Variants in CPNE4 observed in about 807,000 individuals in gnomAD.
The protein encoded by CPNE4 is copine-4.
Under a neutral mutation model 67.9 loss-of-function variants are expected in CPNE4, and 25 were observed. That is an observed-to-expected ratio of 0.37 (90% CI 0.27 to 0.51). CPNE4 has a LOEUF of 0.51. CPNE4 is among the 20% of genes least tolerant of loss of function. The pLI, the probability that CPNE4 is intolerant of heterozygous loss-of-function variation, is 0.93. For missense variants in CPNE4, 464 were observed against 690.8 expected, an observed-to-expected ratio of 0.67 and a Z score of 3.68; for synonymous variants, 242 against 244.9, an observed-to-expected ratio of 0.99 and a Z score of 0.11.
At chr3:131,843,181 A>G (rs573484661) in intron 2 of CPNE4, among the ~76,000 whole-genome samples, 1 of 152,306 alleles carries the variant, frequency 6.6e-6, no homozygotes, top group South Asian at 2.1e-4. Flanking sequence ...TATTACTCCT[A>G]TCTCTATACA....
At chr3:131,788,750 T>A (rs766554349) in intron 2 of CPNE4, among the ~76,000 whole-genome samples, 10 of 152,048 alleles carry the variant, frequency 6.6e-5, no homozygotes, top group Non-Finnish European at 1.3e-4. Flanking sequence ...AATCACACAG[T>A]TGAAGGATTT....
intron 3 of CPNE4, among the ~76,000 whole-genome samples, chr3:131,709,629 C>G (rs2081509696): frequency 6.6e-6 from 1 of 152,222 alleles, no homozygotes; most frequent in African/African-American, 2.4e-5. Context: ...CCAGAAGGCT[C>G]AGTTTAACTC....
intron 7 of CPNE4, among the ~76,000 whole-genome samples, chr3:131,652,197 A>C (rs1344351437): frequency 6.6e-6 from 1 of 152,242 alleles, no homozygotes; most frequent in Non-Finnish European, 1.5e-5. Flanking sequence ...ACAACAGAGC[A>C]AGGTAGTATA....
intron 2 of CPNE4, among the ~76,000 whole-genome samples, chr3:131,853,938 G>A (rs1693115290): frequency 1.3e-5 from 2 of 151,844 alleles, no homozygotes; most frequent in African/African-American, 4.8e-5. Flanking sequence ...CACTTTTGCA[G>A]GGAGTGTCAA....
chr3:131,535,413 G>A, intron 15 of CPNE4, 84 bp from the exon 16 acceptor site: 1 of 1,383,054 alleles, frequency 7.2e-7, no homozygotes, highest in Non-Finnish European at 9.7e-7. Context: ...CCTGCTCTGG[G>A]CAGCTAAGTT....
chr3:131,619,734 A>G (rs1940359894), intron 7 of CPNE4, among the ~76,000 whole-genome samples: 2 of 152,056 alleles, frequency 1.3e-5, no homozygotes, highest in African/African-American at 4.8e-5. Context: ...TAGATTCCAA[A>G]GCCCTTGCCA....
At chr3:131,684,546 A>G (rs1008590138) in intron 6 of CPNE4, among the ~76,000 whole-genome samples, 3 of 152,220 alleles carry the variant, frequency 2.0e-5, no homozygotes, top group African/African-American at 7.2e-5. Flanking sequence ...ATTTTTGTCT[A>G]TCATAACAAT....
chr3:131,658,857 G>A (rs898529838), intron 7 of CPNE4, among the ~76,000 whole-genome samples: 3 of 152,172 alleles, frequency 2.0e-5, no homozygotes, highest in East Asian at 1.9e-4. Context: ...AAAAGCCCAG[G>A]ATGGCTGCGG....
intron 2 of CPNE4, among the ~76,000 whole-genome samples, chr3:131,803,625 C>T (rs144821858): frequency 6.6e-6 from 1 of 152,312 alleles, no homozygotes; most frequent in East Asian, 1.9e-4. Flanking sequence ...TACTTTGTGC[C>T]AGGCACTGTT....
intron 2 of CPNE4, among the ~76,000 whole-genome samples, chr3:131,898,226 C>A (rs978254018): frequency 6.6e-6 from 1 of 152,054 alleles, no homozygotes; most frequent in African/African-American, 2.4e-5. Context: ...AATCTAGAGG[C>A]AGAAGACTCC....
At chr3:131,962,733 T>TAAA (rs35814855) in intron 1 of CPNE4, among the ~76,000 whole-genome samples, 8 of 150,066 alleles carry the variant, frequency 5.3e-5, no homozygotes, top group Admixed American at 1.3e-4. Context: ...CAGAAACAGT[T>TAAA]AAAAAAAAAA....
At chr3:131,825,637 TG>T (rs1266601971) in intron 2 of CPNE4, among the ~76,000 whole-genome samples, 4 of 152,246 alleles carry the variant, frequency 2.6e-5, no homozygotes, top group Admixed American at 2.6e-4. Flanking sequence ...CATTTCAAAC[TG>T]AAAAAGATTT....
In CPNE4 at chr3:131,593,669, C is replaced by T. The variant is rs184077099; in HGVS notation, c.682-6087G>A. ...TTGTTTGCCTTTTATTTTATCTTCC[C>T]TAATTGCTCTGGCTAGAATTTCCAG... On this transcript the variant is annotated intron_variant, in intron 7 of 15. Coordinates refer to ENST00000429747, the MANE Select transcript of CPNE4 (RefSeq NM_130808.3). Among the ~76,000 whole-genome samples, 165 of 152,126 alleles carry T rather than the reference C, an allele frequency of 1.1e-3. 1 individual carries two copies. Among genetic ancestry groups the T allele is most frequent in the Middle Eastern group, 3.4e-3 (1 of 294 alleles).
intron 2 of CPNE4, among the ~76,000 whole-genome samples, chr3:131,743,871 G>A (rs1040522407): frequency 1.4e-5 from 2 of 142,842 alleles, no homozygotes; most frequent in African/African-American, 5.1e-5. Context: ...GCTGAGGCAG[G>A]AGAATGGCGT....
intron 1 of CPNE4, among the ~76,000 whole-genome samples, chr3:131,978,514 T>A (rs1263579291): frequency 3.8e-4 from 29 of 76,564 alleles, no homozygotes; most frequent in African/African-American, 1.8e-3. Context: ...TTATATATAT[T>A]TATTTATATA....
At chr3:131,670,307 T>C (rs1255407231) in intron 6 of CPNE4, among the ~76,000 whole-genome samples, 2 of 152,218 alleles carry the variant, frequency 1.3e-5, no homozygotes, top group Non-Finnish European at 2.9e-5. Context: ...ACCATACTTA[T>C]ACTAGCTTAT....
intron 2 of CPNE4, among the ~76,000 whole-genome samples, chr3:131,896,730 T>C (rs193075207): frequency 1.3e-5 from 2 of 152,186 alleles, no homozygotes; most frequent in African/African-American, 2.4e-5. Context: ...AAATCCTCCA[T>C]TGTACTTGAT....
chr3:131,777,328 A>T (rs1394668017), intron 2 of CPNE4, among the ~76,000 whole-genome samples: 2 of 151,940 alleles, frequency 1.3e-5, no homozygotes, highest in Admixed American at 1.3e-4. Context: ...AGATATGTTC[A>T]GCTTTGAATT....
intron 5 of CPNE4, among the ~76,000 whole-genome samples, chr3:131,690,563 G>A (rs1258766187): frequency 6.6e-6 from 1 of 152,084 alleles, no homozygotes; most frequent in Non-Finnish European, 1.5e-5. Flanking sequence ...AACTTTAAAT[G>A]TAAGACCTCA....
Sources: gnomAD v4.1 joint callset for allele counts (sites outside exome capture counted in the v4.1 genomes callset) on GRCh38, gnomAD v4.1.1 for gene constraint, MANE v1.5 for transcripts, NCBI Gene and HGNC (gene_info 2026-07-23, HGNC 2026-07-21) for gene names.